CDKAL1: variants seen among roughly 807,000 people sequenced by gnomAD.
CDKAL1 encodes CDKAL1 threonylcarbamoyladenosine tRNA methylthiotransferase, also known as threonylcarbamoyladenosine tRNA methylthiotransferase.
A neutral mutation model predicts 68.2 loss-of-function variants in CDKAL1; 32 were observed. The ratio of observed to expected loss-of-function variants is 0.47; its 90% confidence interval spans 0.35 to 0.63. The LOEUF is 0.63. Ranked by LOEUF, CDKAL1 falls within the 30% of genes least tolerant of loss-of-function variation. The probability of loss-of-function intolerance (pLI) is 0.00; values close to 1 mark genes in which losing one functional copy is unlikely to be tolerated. For missense variants in CDKAL1, 606 were observed against 696.7 expected (o/e 0.87, Z 1.47); for synonymous variants, 234 against 244.3 (o/e 0.96, Z 0.39).
chr6:20,738,084 A>C (rs1228340163), intron 5 of CDKAL1, among the ~76,000 whole-genome samples: 2 of 152,214 alleles, frequency 1.3e-5, no homozygotes, highest in Non-Finnish European at 2.9e-5. Flanking sequence ...TCAGCTGCTA[A>C]TACCCTTACC....
At chr6:20,858,621 T>G (rs9366363) in intron 9 of CDKAL1, among the ~76,000 whole-genome samples, 105,966 of 151,922 alleles carry the variant, frequency 0.7, 37,422 homozygotes, top group Non-Finnish European at 0.75. Context: ...TTTCTCTTTA[T>G]TTGAGAAGAA....
intron 4 of CDKAL1, among the ~76,000 whole-genome samples, chr6:20,556,722 C>G (rs946701095): frequency 2.0e-5 from 3 of 151,978 alleles, no homozygotes; most frequent in Middle Eastern, 6.8e-3. Context: ...TTAACTTAGG[C>G]CTTACAGAAA....
intron 5 of CDKAL1, among the ~76,000 whole-genome samples, chr6:20,658,045 A>G (rs1295534377): frequency 6.6e-6 from 1 of 152,240 alleles, no homozygotes; most frequent in African/African-American, 2.4e-5. Flanking sequence ...AAAAGTTTCA[A>G]AAAATAAAAT....
At chr6:21,067,165 C>G (rs953008220) in intron 12 of CDKAL1, among the ~76,000 whole-genome samples, 2 of 152,076 alleles carry the variant, frequency 1.3e-5, no homozygotes, top group Non-Finnish European at 2.9e-5. Flanking sequence ...TCACCAAGTA[C>G]CACACAGGTC....
intron 10 of CDKAL1, among the ~76,000 whole-genome samples, chr6:20,960,993 C>A (rs1581918362): frequency 6.6e-6 from 1 of 152,310 alleles, no homozygotes; most frequent in Middle Eastern, 3.4e-3. Context: ...TTTTTAAAAT[C>A]TCCACTAGAG....
chr6:20,925,261 T>C (rs1763135941), intron 9 of CDKAL1, among the ~76,000 whole-genome samples: 1 of 152,224 alleles, frequency 6.6e-6, no homozygotes, highest in Non-Finnish European at 1.5e-5. Flanking sequence ...ATGTACACTT[T>C]TTCAGACATG....
intron 12 of CDKAL1, among the ~76,000 whole-genome samples, chr6:21,066,268 C>A (rs1159883917): frequency 1.3e-5 from 2 of 151,924 alleles, no homozygotes; most frequent in Non-Finnish European, 2.9e-5. Context: ...CCCAAATTTT[C>A]CTCATCTTAA....
At chr6:20,558,227 G>A (rs1764135678) in intron 4 of CDKAL1, among the ~76,000 whole-genome samples, 2 of 152,298 alleles carry the variant, frequency 1.3e-5, no homozygotes, top group Admixed American at 1.3e-4. Context: ...AGTTGTGGCA[G>A]GGATGACAGT....
At chr6:21,229,339 T>A (rs371837052) in intron 15 of CDKAL1, among the ~76,000 whole-genome samples, 2 of 152,174 alleles carry the variant, frequency 1.3e-5, no homozygotes, top group East Asian at 1.9e-4. Context: ...CCCTCTGCCG[T>A]CATCCTGATA....
chr6:20,789,235 C>CA (rs1775800034), intron 8 of CDKAL1, among the ~76,000 whole-genome samples: 1 of 152,130 alleles, frequency 6.6e-6, no homozygotes, highest in African/African-American at 2.4e-5. Flanking sequence ...AACGGAATCC[C>CA]AAAATATCTT....
At chr6:21,230,472 C>T (rs548102586) in intron 15 of CDKAL1, among the ~76,000 whole-genome samples, 1 of 151,934 alleles carries the variant, frequency 6.6e-6, no homozygotes, top group South Asian at 2.1e-4. Context: ...CATGGTGTTT[C>T]TTTGTCATTC....
At chr6:21,145,837 C>T (rs1446160431) in intron 13 of CDKAL1, among the ~76,000 whole-genome samples, 1 of 152,164 alleles carries the variant, frequency 6.6e-6, no homozygotes, top group Non-Finnish European at 1.5e-5. Context: ...GAGTTCAAGG[C>T]TGCAGCAAAC....
chr6:20,672,365 T>C (rs1475543479), intron 5 of CDKAL1, among the ~76,000 whole-genome samples: 2 of 151,762 alleles, frequency 1.3e-5, no homozygotes, highest in South Asian at 4.2e-4. Context: ...TTCTTTCTTT[T>C]CTTTCTTTTT....
chr6:20,839,518 A>C (rs566745290), intron 8 of CDKAL1, among the ~76,000 whole-genome samples: 86 of 152,280 alleles, frequency 5.6e-4, no homozygotes, highest in African/African-American at 2.0e-3. Context: ...AAAAATAGTT[A>C]CTATTGAAAA....
At chr6:20,870,944 A>G (rs757499708) in intron 9 of CDKAL1, among the ~76,000 whole-genome samples, 1 of 152,192 alleles carries the variant, frequency 6.6e-6, no homozygotes. Flanking sequence ...ATAAACTCAT[A>G]TTTAAATTAT....
intron 5 of CDKAL1, among the ~76,000 whole-genome samples, chr6:20,723,121 A>T (rs1476751882): frequency 1.3e-5 from 2 of 152,232 alleles, no homozygotes; most frequent in Non-Finnish European, 2.9e-5. Context: ...CAGCTGCCCC[A>T]TGTGATGAGG....
chr6:20,642,817 A>G (rs1297615249), intron 4 of CDKAL1, among the ~76,000 whole-genome samples: 3 of 152,078 alleles, frequency 2.0e-5, no homozygotes, highest in African/African-American at 7.2e-5. Flanking sequence ...GTACATTGCT[A>G]CTCATTGCAG....
intron 11 of CDKAL1, among the ~76,000 whole-genome samples, chr6:21,031,263 C>T (rs928381153): frequency 6.6e-5 from 10 of 151,694 alleles, no homozygotes; most frequent in African/African-American, 9.7e-5. Context: ...CCCCACAGAT[C>T]GTTTACAACA....
chr6:20,940,858 A>G (rs1368208960), intron 9 of CDKAL1, among the ~76,000 whole-genome samples: 2 of 152,212 alleles, frequency 1.3e-5, no homozygotes, highest in Non-Finnish European at 2.9e-5. Context: ...TGAGAGGCCA[A>G]GGCGGGCAGA....
Sources: gnomAD v4.1 joint callset for allele counts (sites outside exome capture counted in the v4.1 genomes callset) on GRCh38, gnomAD v4.1.1 for gene constraint, MANE v1.5 for transcripts, NCBI Gene and HGNC (gene_info 2026-07-23, HGNC 2026-07-21) for gene names.